The following SPATA7 variants were observed in gnomAD, a reference collection of about 807,000 sequenced individuals.
SPATA7 encodes the protein spermatogenesis-associated protein 7.
Under a neutral mutation model 51.8 loss-of-function variants are expected in SPATA7, and 43 were observed. The ratio of observed to expected loss-of-function variants is 0.83; its 90% CI spans 0.65 to 1.07. SPATA7 has a LOEUF of 1.07. Ranked by LOEUF, SPATA7 falls within the 50% of genes least tolerant of loss-of-function variation. The pLI, the probability that SPATA7 is intolerant of heterozygous loss-of-function variation, is 0.00. For missense variants in SPATA7, 683 were observed against 701.3 expected, an observed-to-expected ratio of 0.97 and a Z score of 0.30; for synonymous variants, 230 against 252.8, an observed-to-expected ratio of 0.91 and a Z score of 0.86.
intron 3 of SPATA7, among the ~76,000 whole-genome samples, chr14:88,446,891 G>A (rs1370594739): frequency 3.3e-5 from 5 of 152,090 alleles, no homozygotes; most frequent in Non-Finnish European, 7.3e-5. Context: ...GTTGAGGAGA[G>A]CTTTACTTCC....
chr14:88,445,637 CTTA>C (rs2077206859), intron 3 of SPATA7, among the ~76,000 whole-genome samples: 1 of 151,744 alleles, frequency 6.6e-6, no homozygotes, highest in African/African-American at 2.4e-5. Context: ...ATAGATAGCT[CTTA>C]TTATTTTGAA....
chr14:88,404,314 A>C (rs937034444), intron 4 of SPATA7, among the ~76,000 whole-genome samples: 1 of 152,236 alleles, frequency 6.6e-6, no homozygotes, highest in African/African-American at 2.4e-5. Flanking sequence ...TTGTTCATAC[A>C]CTACTTGACA....
chr14:88,425,825 C>T (rs973273218), intron 5 of SPATA7, among the ~76,000 whole-genome samples: 2 of 152,154 alleles, frequency 1.3e-5, no homozygotes, highest in Non-Finnish European at 2.9e-5. Flanking sequence ...ATGGCTTACA[C>T]TGCACTCTCC....
intron 1 of SPATA7, among the ~76,000 whole-genome samples, chr14:88,390,667 C>T (rs2075718975): frequency 1.3e-5 from 2 of 152,114 alleles, no homozygotes; most frequent in African/African-American, 2.4e-5. Context: ...AGGGAAGAGT[C>T]GCCCAAAGGA....
At chr14:88,427,474 T>C (rs1412468027) in intron 6 of SPATA7, among the ~76,000 whole-genome samples, 156 bp from the exon 7 acceptor site, 3 of 152,186 alleles carry the variant, frequency 2.0e-5, no homozygotes, top group Non-Finnish European at 4.4e-5. Flanking sequence ...TCTGCAGATA[T>C]TTAATCAAAT....
At chr14:88,446,904 G>C (rs367549616) in intron 3 of SPATA7, among the ~76,000 whole-genome samples, 17 of 152,166 alleles carry the variant, frequency 1.1e-4, no homozygotes, top group East Asian at 5.8e-4. Flanking sequence ...TTACTTCCAA[G>C]TATGTGGTCA....
At chr14:88,414,127 G>A (rs2139951893) in intron 4 of SPATA7, among the ~76,000 whole-genome samples, 1 of 152,212 alleles carries the variant, frequency 6.6e-6, no homozygotes, top group African/African-American at 2.4e-5. Flanking sequence ...AATAGTTTCA[G>A]TAGGATTAAT....
rs58818266 is a variant in SPATA7, at chr14:88,412,222, CTTTTTT to C, written c.239-4478_239-4473del. Among the ~76,000 whole-genome samples the C allele has an allele frequency of 1.9e-3, 257 of 135,042 alleles. 1 individual carries two copies. The highest frequency in any genetic ancestry group is 6.6e-3 in the African/African-American group (234 of 35,402). The allele number at this position is 135,042 out of a possible 152,430, so 88.6% of individuals were successfully genotyped here. A position where few individuals can be genotyped will look rare whatever the true frequency, so the allele number is the denominator to read the frequency against. ...ATGGGGTTATTTGTTTTTCTTCTTGCTTTTTTTTTTTTTTTTAAGTTCCTCATAGAT... is the reference window on the plus strand; with the variant it reads ...ATGGGGTTATTTGTTTTTCTTCTTGCTTTTTTTTTTAAGTTCCTCATAGAT... On this transcript the variant is annotated intron_variant, in intron 4 of 11. Coordinates refer to ENST00000393545, the MANE Select transcript of SPATA7 (RefSeq NM_018418.5).
chr14:88,468,247 C>T (rs774987709), intron 4 of SPATA7: 53 of 1,606,860 alleles, frequency 3.3e-5, no homozygotes, highest in African/African-American at 3.1e-4. Flanking sequence ...ATGTCCAGCA[C>T]TCTCGGGATG....
At position 88,437,400 on chromosome 14, in the gene SPATA7, A is replaced by G. The variant is rs1326437676; in HGVS notation, c.1161-143A>G. 4 of 618,372 alleles carry G rather than the reference A, an allele frequency of 6.5e-6. No homozygotes were observed. In the South Asian group the frequency reaches 8.5e-5, roughly 13 times the overall value. 38.3% of individuals were successfully genotyped at this position (618,372 alleles called of 1,614,324 possible). A position where few individuals can be genotyped will look rare whatever the true frequency, so the allele number is the denominator to read the frequency against. ...ATAATGGAAGAACTTAGAACAGGAA[A>G]GGATTAGTCTTCAGCTTTACAGAGA... is the stretch of plus-strand genomic sequence containing the variant. On this transcript the variant is annotated intron_variant, in intron 10 of 11. Transcript: ENST00000393545.
At chr14:88,456,660 C>T (rs1425383557), downstream of SPATA7, among the ~76,000 whole-genome samples, 2 of 150,514 alleles carry the variant, frequency 1.3e-5, no homozygotes, top group East Asian at 3.9e-4. Flanking sequence ...AAAATTTTCT[C>T]CCATTCTGTA....
chr14:88,451,520 C>T (rs1244641931), intron 3 of SPATA7, among the ~76,000 whole-genome samples: 5 of 146,992 alleles, frequency 3.4e-5, no homozygotes, highest in African/African-American at 5.1e-5. Flanking sequence ...CATTCATATC[C>T]TATATCTTTT....
rs576095661 is a variant in SPATA7 at position 88,455,228 on chromosome 14, A to C, written c.*115A>C. 54 of 386,922 alleles carry C rather than the reference A, an allele frequency of 1.4e-4. 1 individual carries two copies. Among genetic ancestry groups the C allele is most frequent in the African/African-American group, 1.0e-3 (50 of 48,102 alleles). The allele number at this position is 386,922 out of a possible 1,614,324, so 24.0% of individuals were successfully genotyped here. A position where few individuals can be genotyped will look rare whatever the true frequency, so the allele number is the denominator to read the frequency against. On this transcript the variant is annotated 3_prime_UTR_variant, in exon 4 of 4. Coordinates refer to the SPATA7 transcript ENST00000554802. ...TATTCAAGTGTATTAATTGACCCAC[A>C]AATATCCTGATTAATGAAGCTGGCT... is the stretch of plus-strand genomic sequence containing the variant.
chr14:88,390,861 C>G (rs1457034857), intron 1 of SPATA7, among the ~76,000 whole-genome samples: 1 of 152,050 alleles, frequency 6.6e-6, no homozygotes, highest in African/African-American at 2.4e-5. Context: ...TCTTTTTTCC[C>G]AGTTCAGATG....
At chr14:88,396,107 C>A in intron 3 of SPATA7, 49 bp from the exon 4 acceptor site, 1 of 1,468,652 alleles carries the variant, frequency 6.8e-7, no homozygotes, top group South Asian at 1.1e-5. Flanking sequence ...TGGTATTTGT[C>A]ATTTATAAAT....
At chr14:88,448,979 G>T (rs1240228015) in intron 3 of SPATA7, among the ~76,000 whole-genome samples, 1 of 151,972 alleles carries the variant, frequency 6.6e-6, no homozygotes, top group African/African-American at 2.4e-5. Flanking sequence ...CTCACTAATG[G>T]TCTATCAATT....
chr14:88,456,294 G>A (rs1156343405), downstream of SPATA7, among the ~76,000 whole-genome samples: 2 of 152,138 alleles, frequency 1.3e-5, no homozygotes, highest in African/African-American at 2.4e-5. Flanking sequence ...CTGAGGAATC[G>A]CCACACTGAC....
intron 3 of SPATA7, among the ~76,000 whole-genome samples, chr14:88,449,026 C>A (rs974244684): frequency 1.3e-4 from 19 of 151,994 alleles, no homozygotes; most frequent in African/African-American, 4.6e-4. Flanking sequence ...CTTTGTTTAT[C>A]TTTTATATTG....
At chr14:88,442,201 T>TG (rs1323284397), downstream of SPATA7, among the ~76,000 whole-genome samples, 1 of 151,830 alleles carries the variant, frequency 6.6e-6, no homozygotes, top group African/African-American at 2.4e-5. Flanking sequence ...TTTGTTTGTT[T>TG]GTTTTTGAGG....
Sources: gnomAD v4.1 joint callset for allele counts (sites outside exome capture counted in the v4.1 genomes callset) on GRCh38, gnomAD v4.1.1 for gene constraint, MANE v1.5 for transcripts, NCBI Gene and HGNC (gene_info 2026-07-23, HGNC 2026-07-21) for gene names.